Variants in CADPS2 observed in about 807,000 individuals in gnomAD.
CADPS2 encodes calcium-dependent secretion activator 2.
In CADPS2, 93 loss-of-function variants were observed where a neutral mutation model predicts 172.5. That is an observed-to-expected ratio of 0.54 (90% CI 0.46 to 0.64). The LOEUF (loss-of-function observed/expected upper bound fraction) is 0.64, where lower values mean the gene tolerates loss of function less well. CADPS2 is among the 30% of genes least tolerant of loss of function. The pLI, the probability that CADPS2 is intolerant of heterozygous loss-of-function variation, is 0.00. For synonymous variants in CADPS2, 546 were observed against 555.2 expected (o/e 0.98, Z 0.23); for missense variants, 1,420 against 1,565.9 (o/e 0.91, Z 1.57).
At chr7:122,592,961 C>A (rs556104178) in intron 6 of CADPS2, among the ~76,000 whole-genome samples, 91 of 151,040 alleles carry the variant, frequency 6.0e-4, no homozygotes, top group African/African-American at 1.9e-3. Flanking sequence ...ACGTTGTACA[C>A]GTGTACCCTA....
chr7:122,542,531 G>T (rs17381160), intron 8 of CADPS2, among the ~76,000 whole-genome samples: 30,516 of 151,968 alleles, frequency 0.2, 4,049 homozygotes, highest in Non-Finnish European at 0.3. Flanking sequence ...ATGGGAACTT[G>T]TCTTTCTATA....
At chr7:122,360,213 T>G (rs941933577) in intron 27 of CADPS2, among the ~76,000 whole-genome samples, 7 of 152,174 alleles carry the variant, frequency 4.6e-5, no homozygotes, top group African/African-American at 1.7e-4. Flanking sequence ...CTGCACAACT[T>G]GTTGGTTATG....
chr7:122,388,759 G>T (rs369179605), intron 22 of CADPS2, 21 bp from the exon 23 acceptor site: 1 of 1,577,304 alleles, frequency 6.3e-7, no homozygotes, highest in African/African-American at 1.4e-5. Context: ...AAGGAAAAAT[G>T]AACATCATGA....
At chr7:122,497,025 G>GA (rs2058789524) in intron 9 of CADPS2, among the ~76,000 whole-genome samples, 1 of 151,832 alleles carries the variant, frequency 6.6e-6, no homozygotes, top group African/African-American at 2.4e-5. Context: ...TTCTTTCTCG[G>GA]ACTGTTCTGT....
intron 7 of CADPS2, among the ~76,000 whole-genome samples, chr7:122,564,836 TAC>T (rs979697052): frequency 4.7e-5 from 5 of 107,280 alleles, no homozygotes; most frequent in Non-Finnish European, 9.4e-5. Flanking sequence ...GACACACACA[TAC>T]ACACACATGC....
chr7:122,354,125 C>T (rs2039046213), intron 27 of CADPS2: 1 of 152,052 alleles, frequency 6.6e-6, no homozygotes, highest in African/African-American at 2.4e-5. Context: ...TGTTCACAAT[C>T]ATACAGATGC....
intron 2 of CADPS2, among the ~76,000 whole-genome samples, chr7:122,716,540 G>T (rs1396347322): frequency 6.6e-6 from 1 of 152,126 alleles, no homozygotes; most frequent in Non-Finnish European, 1.5e-5. Context: ...AGGGTCGGGG[G>T]AGCGGGGAGG....
chr7:122,417,539 T>A (rs1487842867), intron 17 of CADPS2, among the ~76,000 whole-genome samples: 1 of 152,214 alleles, frequency 6.6e-6, no homozygotes, highest in African/African-American at 2.4e-5. Flanking sequence ...AAAAGATCCA[T>A]AGACATGAAT....
intron 24 of CADPS2, among the ~76,000 whole-genome samples, chr7:122,381,775 AAATGAGAATG>A (rs1336663948): frequency 7.2e-5 from 11 of 152,152 alleles, no homozygotes; most frequent in African/African-American, 2.7e-4. Flanking sequence ...GAGGGAGAGA[AAATGAGAATG>A]AATGAACAAA....
intron 1 of CADPS2, among the ~76,000 whole-genome samples, chr7:122,771,209 A>G (rs1270584836): frequency 2.0e-5 from 3 of 152,238 alleles, no homozygotes; most frequent in Non-Finnish European, 4.4e-5. Flanking sequence ...CTGGAGAAAC[A>G]TTGCTTAAAA....
Position 122,428,474 on chromosome 7 carries a change from T to A in CADPS2, c.2476+9867A>T, listed in dbSNP as rs970169175. Among the ~76,000 whole-genome samples the A allele has an allele frequency of 9.9e-3, 1,297 of 130,770 alleles. 7 individuals carry two copies. Among genetic ancestry groups the A allele is most frequent in the African/African-American group, 0.022 (742 of 33,560 alleles). The allele number at this position is 130,770 out of a possible 152,430, so 85.8% of individuals were successfully genotyped here. On this transcript the variant is annotated intron_variant, in intron 17 of 29. Transcript: ENST00000449022. ...ACACATATATATATATATATATATTTTTTTTTTTTTGAGACGGAGTTTTGC... is the reference window on the plus strand; with the variant it reads ...ACACATATATATATATATATATATTATTTTTTTTTTGAGACGGAGTTTTGC...
intron 17 of CADPS2, among the ~76,000 whole-genome samples, chr7:122,420,731 A>G (rs2048442258): frequency 6.6e-6 from 1 of 152,248 alleles, no homozygotes; most frequent in African/African-American, 2.4e-5. Context: ...TCAAACAGTG[A>G]CATTTAAAAC....
chr7:122,463,656 A>ACT (rs2054756199), intron 14 of CADPS2, among the ~76,000 whole-genome samples: 1 of 152,334 alleles, frequency 6.6e-6, no homozygotes, highest in South Asian at 2.1e-4. Flanking sequence ...AGAAGTTAGG[A>ACT]AAGATGACAT....
At chr7:122,467,911 C>A (rs2055376204) in intron 14 of CADPS2, among the ~76,000 whole-genome samples, 1 of 152,176 alleles carries the variant, frequency 6.6e-6, no homozygotes, top group Admixed American at 6.6e-5. Context: ...TATCATCCTG[C>A]ATGAGTGGGT....
intron 22 of CADPS2, among the ~76,000 whole-genome samples, chr7:122,392,665 T>C (rs74623793): frequency 0.038 from 5,759 of 152,120 alleles, 146 homozygotes; most frequent in Non-Finnish European, 0.058. Flanking sequence ...AACTATATAA[T>C]AAAAGAACAA....
rs144452351 is a variant in CADPS2 at position 122,820,298 on chromosome 7, A to T, written c.339+65701T>A. On this transcript the variant is annotated intron_variant, in intron 1 of 29. Coordinates refer to ENST00000449022, the MANE Select transcript of CADPS2 (RefSeq NM_017954.11). ...GCTGCACTGCCACAAAGCTTCACAGATAGCCCCCATTACTTCAATCAAGCC... is the reference window on the plus strand; with the variant it reads ...GCTGCACTGCCACAAAGCTTCACAGTTAGCCCCCATTACTTCAATCAAGCC... 9.8e-3 allele frequency among the ~76,000 whole-genome samples: 1,499 copies of T among 152,200 alleles called. 25 individuals carry two copies. The highest frequency in any genetic ancestry group is 0.014 in the Middle Eastern group (4 of 294).
At chr7:122,679,269 G>GC (rs1489706795) in intron 2 of CADPS2, among the ~76,000 whole-genome samples, 2 of 118,464 alleles carry the variant, frequency 1.7e-5, no homozygotes, top group African/African-American at 2.9e-5. Flanking sequence ...CATTCCTGGG[G>GC]GGGGGGGGCT....
chr7:122,601,951 T>C (rs1307854572), intron 6 of CADPS2, among the ~76,000 whole-genome samples: 2 of 152,062 alleles, frequency 1.3e-5, no homozygotes, highest in Non-Finnish European at 2.9e-5. Flanking sequence ...TAAAAAACTG[T>C]ATTAATTTAA....
chr7:122,384,674 A>T (rs1230945525), intron 24 of CADPS2, among the ~76,000 whole-genome samples: 2 of 152,064 alleles, frequency 1.3e-5, no homozygotes, highest in African/African-American at 4.8e-5. Context: ...CACATTCTGA[A>T]CTATGTTAAT....
Sources: allele counts gnomAD v4.1 joint callset (sites outside exome capture counted in the v4.1 genomes callset), GRCh38; gene constraint gnomAD v4.1.1; transcripts MANE v1.5; gene names NCBI Gene and HGNC (gene_info 2026-07-23, HGNC 2026-07-21).